Variants in CCDC120 observed in about 807,000 individuals in gnomAD.
CCDC120 encodes coiled-coil domain-containing protein 120.
Under a neutral mutation model 37.6 loss-of-function variants are expected in CCDC120, and 16 were observed. The observed-to-expected ratio is 0.43, with a 90% CI of 0.29 to 0.65. CCDC120 has a LOEUF of 0.65. Among genes scored for constraint, CCDC120 ranks in the 30% least tolerant of loss-of-function variants. The pLI is 0.18. For missense variants in CCDC120, 650 were observed against 657.4 expected (o/e 0.99, Z 0.12); for synonymous variants, 309 against 275.4 (o/e 1.12, Z -1.21).
intron 7 of CCDC120, 152 bp from the exon 8 acceptor site, chrX:49,065,302 C>T: frequency 2.8e-6 from 2 of 720,638 alleles, no homozygotes; most frequent in Non-Finnish European, 2.0e-6. Context: ...AGCCCCACAG[C>T]CCCAGAACCT....
intron 5 of CCDC120, 51 bp downstream of exon 5, chrX:49,064,052 A>C: frequency 8.8e-7 from 1 of 1,139,308 alleles, no homozygotes; most frequent in South Asian, 2.2e-5. Flanking sequence ...GGACAGGTAC[A>C]GAGGAGTAGC....
At chrX:49,053,782 C>A (rs2064813822) in exon 1 of CCDC120, 1 of 112,892 alleles carries the variant, frequency 8.9e-6, no homozygotes, top group Non-Finnish European at 1.9e-5. Flanking sequence ...AGGCGCGCGC[C>A]CGGGGACGAG....
At position 49,069,750 on chromosome X, in the gene CCDC120, A is replaced by AC. The variant is rs2064999648; in HGVS notation, c.*1097dup. ...GATTTTCGGAGCTGGGGGTTCCCCT[A>AC]CCCCCTTTTCCTGGCGTTAAGCTTT... On this transcript the variant is annotated 3_prime_UTR_variant, in exon 11 of 11. Transcript: ENST00000603986. The AC allele has an allele frequency of 1.8e-5, 2 of 111,373 alleles. No homozygotes were observed. The highest frequency in any genetic ancestry group is 6.6e-5 in the African/African-American group (2 of 30,496). 9.2% of individuals were successfully genotyped at this position (111,373 alleles called of 1,213,427 possible). A position where few individuals can be genotyped will look rare whatever the true frequency, so the allele number is the denominator to read the frequency against.
upstream of CCDC120, among the ~76,000 whole-genome samples, chrX:49,054,774 C>T (rs1045617374): frequency 8.1e-5 from 9 of 110,818 alleles, no homozygotes; most frequent in African/African-American, 3.0e-4. Context: ...GGCTCATTCC[C>T]CATCCTGCCT....
chrX:49,067,958 C>A lies in CCDC120; in HGVS notation c.1844C>A (p.Pro615His). The change falls in exon 10 of 11, where the codon CCT (proline) becomes CAT (histidine). Residue 615 changes from proline (P) to histidine (H), a missense_variant. Coordinates refer to ENST00000603986, the MANE Select transcript of CCDC120 (RefSeq NM_001163321.4). ...GGGCCCCAGCGCCGGCCTGTGCTCC[C>A]TTCCGTGGGCCCGCCACACCCACCC... ...AAGPQRRPVL[P>H]SVGPPHPPFL... is the part of the protein sequence containing the mutation. 3 of 1,148,055 alleles carry A rather than the reference C, an allele frequency of 2.6e-6. No individual in the cohort carries two copies. Among genetic ancestry groups the A allele is most frequent in the Non-Finnish European group, 2.3e-6 (2 of 861,520 alleles). The allele number at this position is 1,148,055 out of a possible 1,213,427, so 94.6% of individuals were successfully genotyped here.
At chrX:49,063,492 C>T (rs1233789326) in intron 4 of CCDC120, among the ~76,000 whole-genome samples, 1 of 111,885 alleles carries the variant, frequency 8.9e-6, no homozygotes, top group South Asian at 3.8e-4. Context: ...TTCAGTTTAC[C>T]CCTCTTACTG....
Position 49,068,690 on chromosome X carries a change from C to T in CCDC120, c.*32C>T, listed in dbSNP as rs781941596. 2.1e-5 allele frequency: 23 copies of T among 1,071,936 alleles called. No individual in the cohort carries two copies. In the South Asian group the frequency reaches 5.6e-4, roughly 26 times the overall value. The allele number at this position is 1,071,936 out of a possible 1,213,427, so 88.3% of individuals were successfully genotyped here. A position where few individuals can be genotyped will look rare whatever the true frequency, so the allele number is the denominator to read the frequency against. ...CTGATATGTCCCTTGTTGGCCTGGGCACGATTCCAATCTGGGGAGCACACA... is the reference window on the plus strand; with the variant it reads ...CTGATATGTCCCTTGTTGGCCTGGGTACGATTCCAATCTGGGGAGCACACA... On this transcript the variant is annotated 3_prime_UTR_variant, in exon 11 of 11. Coordinates refer to ENST00000603986, the MANE Select transcript of CCDC120 (RefSeq NM_001163321.4).
Position 49,068,835 on chromosome X carries a change from TTC to T in CCDC120, c.*182_*183del, listed in dbSNP as rs1421234562. The T allele has an allele frequency of 2.7e-6, 1 of 374,431 alleles. No homozygotes were observed. The highest frequency in any genetic ancestry group is 4.2e-6 in the Non-Finnish European group (1 of 239,707). The allele number at this position is 374,431 out of a possible 1,213,427, so 30.9% of individuals were successfully genotyped here. A position where few individuals can be genotyped will look rare whatever the true frequency, so the allele number is the denominator to read the frequency against. Reference sequence around the variant, plus strand: ...AGGAAGGTGTCTGACACCCTGCTTCTTCTCTCACACTGTGCTGGGGACTGGGG... The same window carrying T: ...AGGAAGGTGTCTGACACCCTGCTTCTTCTCACACTGTGCTGGGGACTGGGG... On this transcript the variant is annotated 3_prime_UTR_variant, in exon 11 of 11. Transcript: ENST00000603986.
chrX:49,068,368 C>CCCCTTGCTGTTTTCTTCCTTTTATG (rs2147807722), intron 10 of CCDC120, 176 bp from the exon 11 acceptor site: 1 of 1,051,713 alleles, frequency 9.5e-7, no homozygotes, highest in South Asian at 2.8e-5. Flanking sequence ...ACATCTCATG[C>CCCCTTGCTGTTTTCTTCCTTTTATG]CCCTTGCTGT....
In CCDC120 at chrX:49,069,060, C is replaced by T. The variant is rs1196390527; in HGVS notation, c.*402C>T. The T allele has an allele frequency of 8.3e-6, 1 of 120,520 alleles. No homozygotes were observed. Among genetic ancestry groups the T allele is most frequent in the Non-Finnish European group, 1.7e-5 (1 of 58,344 alleles). The allele number at this position is 120,520 out of a possible 1,213,427, so 9.9% of individuals were successfully genotyped here. A position where few individuals can be genotyped will look rare whatever the true frequency, so the allele number is the denominator to read the frequency against. On this transcript the variant is annotated 3_prime_UTR_variant, in exon 11 of 11. Transcript: ENST00000603986. The stretch of plus-strand genomic sequence containing the variant: ...CAACCAGGTTCCATTCAGGAACCCC[C>T]TCCATAAAATGGACCATATCGGGTC...
upstream of CCDC120, among the ~76,000 whole-genome samples, chrX:49,054,406 C>T (rs1395627094): frequency 9.0e-6 from 1 of 111,129 alleles, no homozygotes; most frequent in African/African-American, 3.3e-5. Flanking sequence ...TTTCTCTGCA[C>T]CCTATGTGAT....
chrX:49,067,663 C>T lies in CCDC120; in HGVS notation c.1549C>T (p.Leu517Phe). 8.3e-7 allele frequency: 1 copy of T among 1,202,887 alleles called. No homozygotes were observed. The highest frequency in any genetic ancestry group is 1.1e-6 in the Non-Finnish European group (1 of 889,651). Residue 517 changes from leucine (L) to phenylalanine (F), a missense_variant, in exon 10 of 11, where the codon CTC (leucine) becomes TTC (phenylalanine). This residue lies in a region of CCDC120 where 576 missense variants were observed against 565.3 expected (regional missense o/e 1.02). Coordinates refer to ENST00000603986, the MANE Select transcript of CCDC120 (RefSeq NM_001163321.4). ...ACCCCTCTCCCGCCGGGATGGGCTC[C>T]TCACCATGCTCCCCGGCCCACCACC... is the stretch of plus-strand genomic sequence containing the variant. ...PGPLSRRDGL[L>F]TMLPGPPPVY...
In CCDC120 at chrX:49,061,874, A is replaced by G. The variant is rs1191032138; in HGVS notation, c.-83-85A>G. On this transcript the variant is annotated intron_variant, in intron 1 of 10. Coordinates refer to ENST00000603986, the MANE Select transcript of CCDC120 (RefSeq NM_001163321.4). ...GAAGATTGAGTGTGGCATCATAGGT[A>G]ACTGTTGCAGGCACCCAGGTGTTGA... 4 of 938,988 alleles carry G rather than the reference A, an allele frequency of 4.3e-6. No individual in the cohort carries two copies. In the African/African-American group the frequency reaches 6.0e-5, roughly 14 times the overall value. The allele number at this position is 938,988 out of a possible 1,213,427, so 77.4% of individuals were successfully genotyped here.
chrX:49,067,611 G>A lies in CCDC120; in HGVS notation c.1497G>A (p.Glu499=). 3 of 1,185,452 alleles carry A rather than the reference G, an allele frequency of 2.5e-6. No homozygotes were observed. Among genetic ancestry groups the A allele is most frequent in the Non-Finnish European group, 3.4e-6 (3 of 880,506 alleles). The part of the protein sequence containing the change: ...PRSGGGTGWG[E]LPPAAEVPGP... ...GTGGCGGTGGAACAGGCTGGGGGGA[G>A]CTGCCGCCTGCAGCTGAGGTCCCAG... The change falls in exon 10 of 11, where the codon GAG becomes GAA. Residue 499 remains glutamate (E), a synonymous_variant. Transcript: ENST00000603986.
chrX:49,058,405 C>G (rs1191947313), upstream of CCDC120, among the ~76,000 whole-genome samples: 4 of 112,781 alleles, frequency 3.5e-5, no homozygotes, highest in South Asian at 1.4e-3. Flanking sequence ...AGGCCTTCTA[C>G]CACTGCCTTG....
At position 49,067,040 on chromosome X, in the gene CCDC120, C is replaced by T. The variant is rs782037730; in HGVS notation, c.1062-136C>T. 2.0e-5 allele frequency: 11 copies of T among 539,077 alleles called. No individual in the cohort carries two copies. In the East Asian group the frequency reaches 2.6e-4, roughly 13 times the overall value. 44.4% of individuals were successfully genotyped at this position (539,077 alleles called of 1,213,427 possible). On this transcript the variant is annotated intron_variant, in intron 9 of 10. Transcript: ENST00000603986. ...CATGTCACTACCTGCCACCTTTATACACACAGCTTCCAACCTTGGGCCCAT... is the reference window on the plus strand; with the variant it reads ...CATGTCACTACCTGCCACCTTTATATACACAGCTTCCAACCTTGGGCCCAT...
At position 49,068,532 on chromosome X, in the gene CCDC120, C is replaced by A. The variant is rs782535215; in HGVS notation, c.1977-12C>A. 3.2e-5 allele frequency: 35 copies of A among 1,109,144 alleles called. No homozygotes were observed. Among genetic ancestry groups the A allele is most frequent in the Non-Finnish European group, 4.0e-5 (34 of 843,815 alleles). The allele number at this position is 1,109,144 out of a possible 1,213,427, so 91.4% of individuals were successfully genotyped here. On this transcript the variant is annotated splice_polypyrimidine_tract_variant and intron_variant, in intron 10 of 10. Transcript: ENST00000603986. ...CGCCCTGTCCTCCGGATTCCTGCTA[C>A]CCCTTCTAAAGATACTACGCGGACT...
chrX:49,064,699 A>T (rs782094614), intron 6 of CCDC120, 35 bp downstream of exon 6: 1 of 1,138,470 alleles, frequency 8.8e-7, no homozygotes, highest in Admixed American at 2.7e-5. Flanking sequence ...GAGAGTGGAC[A>T]CTGGCAAATG....
At chrX:49,063,193 C>CAA (rs781800207) in intron 4 of CCDC120, among the ~76,000 whole-genome samples, 3 of 47,431 alleles carry the variant, frequency 6.3e-5, no homozygotes, top group African/African-American at 1.7e-4. Flanking sequence ...GACTCTGTCT[C>CAA]AAAAAAAAAA....
Sources: allele counts gnomAD v4.1 joint callset (sites outside exome capture counted in the v4.1 genomes callset), GRCh38; gene constraint gnomAD v4.1.1; regional missense constraint gnomAD v4.1.1; transcripts MANE v1.5; gene names NCBI Gene and HGNC (gene_info 2026-07-23, HGNC 2026-07-21).